CCDC88B: variants seen among roughly 807,000 people sequenced by gnomAD.
CCDC88B encodes coiled-coil domain-containing protein 88B.
In CCDC88B, 138 loss-of-function variants were observed where a neutral mutation model predicts 183.7. That is an observed-to-expected ratio of 0.75 (90% CI 0.65 to 0.87). The LOEUF is 0.87. Ranked by LOEUF, CCDC88B falls within the 40% of genes least tolerant of loss-of-function variation. CCDC88B has a pLI of 0.00. For synonymous variants in CCDC88B, 835 were observed against 867.5 expected (o/e 0.96, Z 0.66); for missense variants, 1,822 against 1,965.6 (o/e 0.93, Z 1.38).
At position 64,343,990 on chromosome 11, in the gene CCDC88B, C is replaced by T. The variant is rs760294456; in HGVS notation, c.1456-7C>T. 1.9e-6 allele frequency: 3 copies of T among 1,552,548 alleles called. No individual in the cohort carries two copies. The highest frequency in any genetic ancestry group is 1.9e-5 in the Admixed American group (1 of 51,622). On this transcript the variant is annotated splice_polypyrimidine_tract_variant and splice_region_variant and intron_variant, in intron 13 of 26. Transcript: ENST00000356786. ...TGGGCCTGACTGTCCCTCTCGTATG[C>T]CCTCAGCACCCCCTGCTGGAGGCAC... is the stretch of plus-strand genomic sequence containing the variant.
rs2036053720 is a variant in CCDC88B, at chr11:64,345,116, G to A, written c.2575G>A (p.Glu859Lys). Residue 859 changes from glutamate to lysine, a missense_variant, in exon 14 of 27, where the codon GAG becomes AAG. By Grantham distance (56) the Glu-to-Lys change is moderately conservative (BLOSUM62 1). Coordinates refer to ENST00000356786, the MANE Select transcript of CCDC88B (RefSeq NM_032251.6). ...LESEGRQHLEEAERERREKEA... is the reference protein window; with the variant it reads ...LESEGRQHLEKAERERREKEA... ...GAGCGAGGGCCGCCAGCACTTGGAG[G>A]AGGCTGAGAGGGAGCGCCGGGAGAA... 2.6e-6 allele frequency: 4 copies of A among 1,550,216 alleles called. No homozygotes were observed. The highest frequency in any genetic ancestry group is 1.4e-5 in the African/African-American group (1 of 73,858).
chr11:64,357,110 A>C lies in CCDC88B; in HGVS notation c.*16A>C, dbSNP rs1342804643. The C allele has an allele frequency of 1.9e-6, 3 of 1,613,578 alleles. No homozygotes were observed. Among genetic ancestry groups the C allele is most frequent in the African/African-American group, 2.7e-5 (2 of 74,904 alleles). Reference sequence around the variant, plus strand: ...CAGCCAGTGACACCGTGGGAACAGCAGGCTTGGGAGTGCAGCCTTCTCGGC... The same window carrying C: ...CAGCCAGTGACACCGTGGGAACAGCCGGCTTGGGAGTGCAGCCTTCTCGGC... On this transcript the variant is annotated 3_prime_UTR_variant, in exon 27 of 27. Transcript: ENST00000356786.
chr11:64,352,468 C>T, intron 19 of CCDC88B, 82 bp downstream of exon 19: 1 of 1,451,664 alleles, frequency 6.9e-7, no homozygotes, highest in African/African-American at 1.4e-5. Context: ...TCTGACTCCC[C>T]ATCAGGAAGC....
Position 64,341,129 on chromosome 11 carries a change from C to T in CCDC88B, c.339C>T (p.Ile113=), listed in dbSNP as rs1253852034. The T allele has an allele frequency of 6.2e-6, 10 of 1,614,126 alleles. No homozygotes were observed. Among genetic ancestry groups the T allele is most frequent in the East Asian group, 2.2e-5 (1 of 44,890 alleles). The change falls in exon 4 of 27, where the codon ATC becomes ATT. Residue 113 remains isoleucine, a synonymous_variant. Transcript: ENST00000356786. ...TCCAGGAGGAGCTGCAGCTGCTGAT[C>T]CTGTCGCCACCCCCAGACCTCCAGA... ...DFYQEELQLL[I]LSPPPDLQTL...
chr11:64,351,360 G>A, intron 17 of CCDC88B, 105 bp downstream of exon 17: 1 of 1,502,700 alleles, frequency 6.7e-7, no homozygotes, highest in East Asian at 2.5e-5. Context: ...GTGTGAGTGT[G>A]GACTCACAGT....
rs751540151 is a variant in CCDC88B, at chr11:64,341,418, C to T, written c.448-3C>T. 6.2e-7 allele frequency: 1 copy of T among 1,614,016 alleles called. No homozygotes were observed. The highest frequency in any genetic ancestry group is 1.7e-5 in the Admixed American group (1 of 60,028). ...ACCAGCTCCCCTTCCTGTCTCCCCT[C>T]AGTGTGAGCACCGGGAACTCTTCAT... On this transcript the variant is annotated splice_region_variant and splice_polypyrimidine_tract_variant and intron_variant, in intron 5 of 26. Transcript: ENST00000356786.
At position 64,352,211 on chromosome 11, in the gene CCDC88B, C is replaced by T. The variant is rs776459668; in HGVS notation, c.3181C>T (p.Arg1061Trp). 24 of 1,609,904 alleles carry T rather than the reference C, an allele frequency of 1.5e-5. No individual in the cohort carries two copies. The highest frequency in any genetic ancestry group is 3.3e-5 in the Admixed American group (2 of 59,790). The change falls in exon 19 of 27, where the codon CGG becomes TGG. Residue 1061 changes from arginine (R) to tryptophan (W), a missense_variant. Transcript: ENST00000356786. Reference protein sequence around the residue: ...EVLEEEVRAARQSQEETRGQQ... With the variant: ...EVLEEEVRAAWQSQEETRGQQ... ...GCTGGAGGAGGAGGTGCGGGCGGCA[C>T]GGCAGTCCCAGGAGGAGACCCGCGG...
At position 64,357,132 on chromosome 11, in the gene CCDC88B, C is replaced by G; in HGVS notation, c.*38C>G. ...AGCAGGCTTGGGAGTGCAGCCTTCTCGGCACTGGAGTGTCAGCGGAGGCCC... is the reference window on the plus strand; with the variant it reads ...AGCAGGCTTGGGAGTGCAGCCTTCTGGGCACTGGAGTGTCAGCGGAGGCCC... On this transcript the variant is annotated 3_prime_UTR_variant, in exon 27 of 27. Coordinates refer to ENST00000356786, the MANE Select transcript of CCDC88B (RefSeq NM_032251.6). The G allele has an allele frequency of 1.9e-6, 3 of 1,612,250 alleles. No homozygotes were observed. The highest frequency in any genetic ancestry group is 1.7e-6 in the Non-Finnish European group (2 of 1,178,522).
chr11:64,353,496 T>A lies in CCDC88B; in HGVS notation c.3833T>A (p.Leu1278Gln). Residue 1278 changes from leucine to glutamine, a missense_variant and splice_region_variant, in exon 22 of 27, where the codon CTG (leucine) becomes CAG (glutamine). By Grantham distance (113) the Leu-to-Gln change is moderately radical (BLOSUM62 -2). Transcript: ENST00000356786. ...DHLHREQREY[L>Q]DQLNALRREK... Reference sequence around the variant, plus strand: ...CTGCACCGCGAACAGCGGGAGTACCTGTGAGTGGGCCGCCTGGGAGCGGGG... The same window carrying A: ...CTGCACCGCGAACAGCGGGAGTACCAGTGAGTGGGCCGCCTGGGAGCGGGG... 2 of 1,610,704 alleles carry A rather than the reference T, an allele frequency of 1.2e-6. No individual in the cohort carries two copies. Among genetic ancestry groups the A allele is most frequent in the Non-Finnish European group, 1.7e-6 (2 of 1,179,446 alleles).
At chr11:64,354,247 G>T (rs771540116) in intron 24 of CCDC88B, 77 bp downstream of exon 24, 81 of 1,229,590 alleles carry the variant, frequency 6.6e-5, no homozygotes, top group Non-Finnish European at 7.9e-5. Flanking sequence ...CTGCCTCACT[G>T]CCTGGCCTGC....
intron 3 of CCDC88B, 38 bp from the exon 4 acceptor site, chr11:64,341,071 G>C: frequency 6.2e-7 from 1 of 1,613,916 alleles, no homozygotes; most frequent in South Asian, 1.1e-5. Context: ...GAGCCCCTTC[G>C]GGAAGGCGCC....
In CCDC88B at chr11:64,355,618, CA is replaced by C; in HGVS notation, c.4367del (p.Asn1456ThrfsTer153). Reference protein sequence around the residue: ...ETLQEHETDANREGPEVQEPE... With the variant: ...ETLQEHETDAXREGPEVQEPE... ...CCCTGCAGGAACACGAAACAGATGCCAACCGAGAGGGTGAGTGGGGGACTGT... is the reference window on the plus strand; with the variant it reads ...CCCTGCAGGAACACGAAACAGATGCCACCGAGAGGGTGAGTGGGGGACTGT... On this transcript the variant is annotated frameshift_variant, in exon 26 of 27. Coordinates refer to ENST00000356786, the MANE Select transcript of CCDC88B (RefSeq NM_032251.6). LOFTEE classifies it high-confidence loss of function. The C allele has an allele frequency of 6.2e-7, 1 of 1,611,576 alleles. No homozygotes were observed.
At position 64,352,828 on chromosome 11, in the gene CCDC88B, T is replaced by C. The variant is rs2036393067; in HGVS notation, c.3441T>C (p.Asp1147=). The change falls in exon 20 of 27, where the codon GAT becomes GAC. Residue 1147 remains aspartate, a synonymous_variant. Coordinates refer to ENST00000356786, the MANE Select transcript of CCDC88B (RefSeq NM_032251.6). ...CAGAGCGTGAACGCCTGATGCAAGA[T>C]GGGCATCGGCAGCGGGGCCTGGAGG... The part of the protein sequence containing the change: ...LLAERERLMQ[D]GHRQRGLEEE... The C allele has an allele frequency of 6.2e-7, 1 of 1,612,788 alleles. No individual in the cohort carries two copies. The highest frequency in any genetic ancestry group is 2.2e-5 in the East Asian group (1 of 44,862).
intron 11 of CCDC88B, 24 bp downstream of exon 11, chr11:64,343,349 C>G: frequency 6.5e-7 from 1 of 1,548,168 alleles, no homozygotes; most frequent in Non-Finnish European, 8.7e-7. Context: ...AGTGATCCCA[C>G]TTGGGTTGCC....
chr11:64,342,964 A>G (rs2035943915), intron 10 of CCDC88B, among the ~76,000 whole-genome samples: 1 of 147,986 alleles, frequency 6.8e-6, no homozygotes, highest in African/African-American at 2.5e-5. Context: ...CGGGGCCTGC[A>G]CAAAGGGCGG....
chr11:64,344,962 G>T lies in CCDC88B; in HGVS notation c.2421G>T (p.Ala807=). The T allele has an allele frequency of 6.4e-7, 1 of 1,551,828 alleles. No individual in the cohort carries two copies. The highest frequency in any genetic ancestry group is 2.4e-5 in the East Asian group (1 of 41,708). The change falls in exon 14 of 27, where the codon GCG becomes GCT. Residue 807 remains alanine (A), a synonymous_variant. Transcript: ENST00000356786. The surrounding 1 kb of genome is among the most constrained non-coding windows in gnomAD (Gnocchi z 4.5). The stretch of plus-strand genomic sequence containing the variant: ...CTGCTGGCCAGGAGCTGGAGTCTGC[G>T]TCCCAGGAACGGGAGGCGCTGGTGG... ...VEAAGQELES[A]SQEREALVEA...
Position 64,352,903 on chromosome 11 carries a change from C to T in CCDC88B, c.3500+16C>T, listed in dbSNP as rs1469014736. 6.4e-7 allele frequency: 1 copy of T among 1,551,546 alleles called. No individual in the cohort carries two copies. On this transcript the variant is annotated intron_variant, in intron 20 of 26. Coordinates refer to ENST00000356786, the MANE Select transcript of CCDC88B (RefSeq NM_032251.6). ...AGCACGACAGGTGCCGCCCCTGCCACAGCCTCTAGCAGCTCTCAGTGGCCC... is the reference window on the plus strand; with the variant it reads ...AGCACGACAGGTGCCGCCCCTGCCATAGCCTCTAGCAGCTCTCAGTGGCCC...
At chr11:64,353,979 C>G in intron 23 of CCDC88B, 25 bp from the exon 24 acceptor site, 1 of 1,513,236 alleles carries the variant, frequency 6.6e-7, no homozygotes, top group South Asian at 1.3e-5. Context: ...TGTCCTGACC[C>G]CCTCTTGTGC....
chr11:64,352,156 G>A lies in CCDC88B; in HGVS notation c.3126G>A (p.Gln1042=). Reference sequence around the variant, plus strand: ...CCGAGAAGTCTGTGCTGGAGATTCAGGGCCAGGAGCTGCACCGGAAGCTGG... The same window carrying A: ...CCGAGAAGTCTGTGCTGGAGATTCAAGGCCAGGAGCTGCACCGGAAGCTGG... ...LQAEKSVLEI[Q]GQELHRKLEV... is the part of the protein sequence containing the mutation. Residue 1042 remains glutamine, a synonymous_variant, in exon 19 of 27, where the codon CAG becomes CAA. Transcript: ENST00000356786. 1 of 1,592,236 alleles carries A rather than the reference G, an allele frequency of 6.3e-7. No individual in the cohort carries two copies. Among genetic ancestry groups the A allele is most frequent in the Non-Finnish European group, 8.6e-7 (1 of 1,165,258 alleles).
Sources: allele counts gnomAD v4.1 joint callset (sites outside exome capture counted in the v4.1 genomes callset), GRCh38; gene constraint gnomAD v4.1.1; non-coding constraint Gnocchi (gnomAD v3.1); transcripts MANE v1.5; gene names NCBI Gene and HGNC (gene_info 2026-07-23, HGNC 2026-07-21).